Variants in CA10 observed in about 807,000 individuals in gnomAD.
CA10 encodes carbonic anhydrase-related protein 10.
Under a neutral mutation model 44.2 loss-of-function variants are expected in CA10, and 14 were observed. That is an observed-to-expected ratio of 0.32 (90% CI 0.21 to 0.50). CA10 has a LOEUF of 0.50. CA10 is among the 20% of genes least tolerant of loss of function. The pLI, the probability that CA10 is intolerant of heterozygous loss-of-function variation, is 0.99. For synonymous variants in CA10, 159 were observed against 141.6 expected, an observed-to-expected ratio of 1.12 and a Z score of -0.87; for missense variants, 350 against 409.7, an observed-to-expected ratio of 0.85 and a Z score of 1.26.
intron 3 of CA10, among the ~76,000 whole-genome samples, chr17:51,845,683 AC>A (rs2143812425): frequency 6.6e-6 from 1 of 152,306 alleles, no homozygotes; most frequent in Non-Finnish European, 1.5e-5. Flanking sequence ...GGCTCTGATA[AC>A]TTTTTATAAC....
At chr17:52,001,470 C>T (rs1282805705) in intron 2 of CA10, among the ~76,000 whole-genome samples, 1 of 151,956 alleles carries the variant, frequency 6.6e-6, no homozygotes, top group Non-Finnish European at 1.5e-5. Context: ...TGGTGTTTTT[C>T]AGTGAAGTGA....
chr17:51,633,483 C>G lies in CA10; in HGVS notation c.957G>C (p.Gln319His), dbSNP rs1176376057. 1 of 1,613,342 alleles carries G rather than the reference C, an allele frequency of 6.2e-7. No homozygotes were observed. Among genetic ancestry groups the G allele is most frequent in the African/African-American group, 1.3e-5 (1 of 75,048 alleles). Residue 319 changes from glutamine to histidine, a missense_variant, in exon 8 of 9, where the codon CAG (glutamine) becomes CAC (histidine). Gln to His is a conservative substitution (Grantham distance 24, BLOSUM62 0). Coordinates refer to ENST00000451037, the MANE Select transcript of CA10 (RefSeq NM_020178.5). ...CTGAGCCACCAAACCCACCTCTATA[C>G]TGAAGCTTCTGGGCTCGGTTGTTTG... ...DCPNNRAQKL[Q>H]YRVNEWLLK
At chr17:51,681,611 T>C (rs2143392194) in intron 4 of CA10, among the ~76,000 whole-genome samples, 1 of 152,298 alleles carries the variant, frequency 6.6e-6, no homozygotes, top group South Asian at 2.1e-4. Context: ...TTGCCAAATG[T>C]CCCCTGAAAG....
chr17:51,657,876 A>G (rs940457317), intron 4 of CA10, among the ~76,000 whole-genome samples: 3 of 152,222 alleles, frequency 2.0e-5, no homozygotes, highest in Non-Finnish European at 4.4e-5. Flanking sequence ...CTAATTAAAC[A>G]CCAAGTTCAA....
chr17:51,727,881 T>G (rs568179968), intron 4 of CA10, among the ~76,000 whole-genome samples: 1 of 152,282 alleles, frequency 6.6e-6, no homozygotes, highest in South Asian at 2.1e-4. Flanking sequence ...CTTTTTTTTT[T>G]TAAAGACTTA....
intron 6 of CA10, among the ~76,000 whole-genome samples, chr17:51,642,632 A>G (rs1913136205): frequency 6.6e-6 from 1 of 152,050 alleles, no homozygotes; most frequent in African/African-American, 2.4e-5. Context: ...GACAATAGCC[A>G]TATCTTTTTT....
At position 52,157,850 on chromosome 17, in the gene CA10, A is replaced by T. The variant is rs1989842388; in HGVS notation, c.-64T>A. On this transcript the variant is annotated 5_prime_UTR_variant, in exon 1 of 9. Transcript: ENST00000451037. ...AACGGGGGGAAGGGGGGAGCCCGAC[A>T]CGGCACACACACATACACACTCGCA... is the stretch of plus-strand genomic sequence containing the variant. 1 of 1,265,128 alleles carries T rather than the reference A, an allele frequency of 7.9e-7. No individual in the cohort carries two copies. 78.4% of individuals were successfully genotyped at this position (1,265,128 alleles called of 1,614,324 possible).
chr17:52,026,002 ATATC>A (rs1397363184), intron 2 of CA10, among the ~76,000 whole-genome samples: 4 of 152,094 alleles, frequency 2.6e-5, no homozygotes, highest in Admixed American at 1.3e-4. Context: ...ATAAATATAT[ATATC>A]TGTGTGTACA....
At chr17:51,922,598 A>C (rs1318854500) in intron 3 of CA10, among the ~76,000 whole-genome samples, 2 of 152,114 alleles carry the variant, frequency 1.3e-5, no homozygotes, top group African/African-American at 4.8e-5. Flanking sequence ...ATTTCTCATA[A>C]AATTCCCCGT....
chr17:51,871,217 C>T (rs1236669950), intron 3 of CA10, among the ~76,000 whole-genome samples: 2 of 150,876 alleles, frequency 1.3e-5, no homozygotes, highest in Non-Finnish European at 3.0e-5. Context: ...CCCAACCATG[C>T]CTGGCTTGCT....
chr17:52,145,852 G>A (rs1464635168), intron 1 of CA10, among the ~76,000 whole-genome samples: 1 of 151,994 alleles, frequency 6.6e-6, no homozygotes, highest in Non-Finnish European at 1.5e-5. Flanking sequence ...AAATGGTAAG[G>A]AACTTCATAC....
At chr17:52,017,388 G>A (rs531874808) in intron 2 of CA10, among the ~76,000 whole-genome samples, 1 of 152,240 alleles carries the variant, frequency 6.6e-6, no homozygotes, top group African/African-American at 2.4e-5. Context: ...GGCTAATTAA[G>A]TCTCATATGA....
rs183885917 is a variant in CA10 at position 51,642,639 on chromosome 17, T to C, written c.634+6543A>G. On this transcript the variant is annotated intron_variant, in intron 6 of 8. Transcript: ENST00000451037. The stretch of plus-strand genomic sequence containing the variant: ...TACATTAGGACAATAGCCATATCTT[T>C]TTTTTTCCTTATTTTTTATTTGAGA... Among the ~76,000 whole-genome samples the C allele has an allele frequency of 2.3e-3, 343 of 152,310 alleles. 1 individual carries two copies. The highest frequency in any genetic ancestry group is 8.0e-3 in the African/African-American group (333 of 41,572).
chr17:51,821,054 TCCCTCC>T (rs1567850813), intron 3 of CA10, among the ~76,000 whole-genome samples: 1 of 32,584 alleles, frequency 3.1e-5, no homozygotes, highest in Non-Finnish European at 5.9e-5. Context: ...CCTCCCTCCC[TCCCTCC>T]CTCTCTCCCT....
chr17:52,052,288 GCTTT>G (rs1737659171), intron 2 of CA10, among the ~76,000 whole-genome samples: 1 of 23,204 alleles, frequency 4.3e-5, no homozygotes, highest in African/African-American at 2.5e-4. Flanking sequence ...AACTTAAAAG[GCTTT>G]TTTTTTTAAA....
Position 51,990,821 on chromosome 17 carries a change from C to T in CA10, c.137-59689G>A, listed in dbSNP as rs190570066. ...TTCTTTGTACCCTTAGGTGGATGCA[C>T]GCTTTGGCTGTCAACACCTAGTTGC... is the stretch of plus-strand genomic sequence containing the variant. On this transcript the variant is annotated intron_variant, in intron 2 of 8. Transcript: ENST00000451037. Among the ~76,000 whole-genome samples, 823 of 152,130 alleles carry T rather than the reference C, an allele frequency of 5.4e-3. 35 individuals are homozygous for T. The highest frequency in any genetic ancestry group is 0.047 in the Admixed American group (713 of 15,266).
At position 52,032,837 on chromosome 17, in the gene CA10, G is replaced by C. The variant is rs139770152; in HGVS notation, c.136+39482C>G. On this transcript the variant is annotated intron_variant, in intron 2 of 8. Coordinates refer to ENST00000451037, the MANE Select transcript of CA10 (RefSeq NM_020178.5). The stretch of plus-strand genomic sequence containing the variant: ...AATATACTCCAATAAAGCCTATAAG[G>C]GTCAGCATTGATTCATTATCCAAAC... 3.3e-5 allele frequency among the ~76,000 whole-genome samples: 5 copies of C among 152,168 alleles called. No individual in the cohort carries two copies. The East Asian group carries it at 9.7e-4, about 29-fold the overall frequency.
At chr17:51,675,726 A>C (rs1345079342) in intron 4 of CA10, among the ~76,000 whole-genome samples, 2 of 151,420 alleles carry the variant, frequency 1.3e-5, no homozygotes, top group Admixed American at 6.6e-5. Context: ...AAAAAAAAAA[A>C]CAAAAACAAA....
chr17:52,072,678 TACACAC>T lies in CA10; in HGVS notation c.62-291_62-286del, dbSNP rs58984767. On this transcript the variant is annotated intron_variant, in intron 1 of 8. Coordinates refer to ENST00000451037, the MANE Select transcript of CA10 (RefSeq NM_020178.5). ...CTACCTGTCCTCATCATCTTCCCCA[TACACAC>T]ACACACACACACACACACACACACA... Among the ~76,000 whole-genome samples the T allele has an allele frequency of 4.0e-3, 562 of 140,158 alleles. 3 individuals carry two copies. Among genetic ancestry groups the T allele is most frequent in the African/African-American group, 0.012 (437 of 37,154 alleles). The allele number at this position is 140,158 out of a possible 152,430, so 91.9% of individuals were successfully genotyped here.
Sources: allele counts gnomAD v4.1 joint callset (sites outside exome capture counted in the v4.1 genomes callset), GRCh38; gene constraint gnomAD v4.1.1; transcripts MANE v1.5; gene names NCBI Gene and HGNC (gene_info 2026-07-23, HGNC 2026-07-21).